Variants in SGCD observed in about 807,000 individuals in gnomAD.
SGCD encodes the protein delta-sarcoglycan.
In SGCD, 18 loss-of-function variants were observed where a neutral mutation model predicts 36.6. The ratio of observed to expected loss-of-function variants is 0.49; its 90% CI spans 0.34 to 0.73. The LOEUF (loss-of-function observed/expected upper bound fraction) is 0.73, where lower values mean the gene tolerates loss of function less well. Among genes scored for constraint, SGCD ranks in the 30% least tolerant of loss-of-function variants. The probability of loss-of-function intolerance (pLI) is 0.01; values close to 1 mark genes in which losing one functional copy is unlikely to be tolerated. For missense variants in SGCD, 387 were observed against 346.7 expected (o/e 1.12, Z -0.92); for synonymous variants, 133 against 130.6 (o/e 1.02, Z -0.12).
intron 3 of SGCD, among the ~76,000 whole-genome samples, chr5:156,317,247 G>A (rs774473359): frequency 5.3e-5 from 8 of 152,032 alleles, no homozygotes; most frequent in Non-Finnish European, 7.4e-5. Context: ...ATAAGCACTC[G>A]ATGCATGTTA....
At chr5:155,832,104 T>C in the SGCD span, among the ~76,000 whole-genome samples, 2 of 152,190 alleles carry the variant, frequency 1.3e-5, no homozygotes, top group African/African-American at 2.4e-5. Flanking sequence ...TCTTAAGATA[T>C]AGTCAATTCT....
intron 3 of SGCD, among the ~76,000 whole-genome samples, chr5:156,211,879 G>A (rs983627995): frequency 2.6e-5 from 4 of 152,118 alleles, no homozygotes; most frequent in African/African-American, 9.7e-5. Flanking sequence ...AGGGTTGTGT[G>A]TGTGGAATTA....
chr5:156,008,052 G>C (rs762800216), intron 1 of SGCD, among the ~76,000 whole-genome samples: 1 of 151,990 alleles, frequency 6.6e-6, no homozygotes, highest in Admixed American at 6.6e-5. Flanking sequence ...AAATATTCAC[G>C]TTCTCAGATG....
intron 6 of SGCD, among the ~76,000 whole-genome samples, chr5:156,631,905 A>C (rs530950505): frequency 6.6e-6 from 1 of 152,318 alleles, no homozygotes; most frequent in African/African-American, 2.4e-5. Context: ...CAGTCAAGAC[A>C]TAGAAGCCTC....
chr5:156,079,014 T>C (rs1385705573), intron 1 of SGCD, among the ~76,000 whole-genome samples: 1 of 139,206 alleles, frequency 7.2e-6, no homozygotes, highest in African/African-American at 2.9e-5. Context: ...GACTGGGTAA[T>C]TTGTAAAAAA....
chr5:155,883,602 A>G (rs755062489), intron 1 of SGCD, among the ~76,000 whole-genome samples: 2 of 152,070 alleles, frequency 1.3e-5, no homozygotes, highest in African/African-American at 2.4e-5. Context: ...ATGGGCCCCA[A>G]TATAATTATA....
chr5:155,889,464 A>G (rs975961720), intron 1 of SGCD, among the ~76,000 whole-genome samples: 5 of 152,164 alleles, frequency 3.3e-5, no homozygotes, highest in Admixed American at 2.6e-4. Context: ...TTTGCTGCAT[A>G]GAAGATTCAG....
intron 3 of SGCD, among the ~76,000 whole-genome samples, chr5:156,399,260 A>G (rs1169002180): frequency 2.6e-5 from 4 of 152,230 alleles, no homozygotes; most frequent in Non-Finnish European, 5.9e-5. Flanking sequence ...CAAAGAGCTC[A>G]TTGTTATAGG....
At chr5:156,670,684 T>G in intron 7 of SGCD, among the ~76,000 whole-genome samples, 1 of 151,908 alleles carries the variant, frequency 6.6e-6, no homozygotes, top group Admixed American at 6.6e-5. Flanking sequence ...GCCAAAGGGG[T>G]TCTTATTTTT....
chr5:156,120,165 G>A (rs1293131935), intron 2 of SGCD, among the ~76,000 whole-genome samples: 1 of 152,094 alleles, frequency 6.6e-6, no homozygotes, highest in Non-Finnish European at 1.5e-5. Flanking sequence ...ACTGTGCCAT[G>A]TGGCATCTTG....
intron 1 of SGCD, among the ~76,000 whole-genome samples, chr5:156,097,473 A>G (rs946660977): frequency 2.0e-5 from 3 of 152,096 alleles, no homozygotes; most frequent in Non-Finnish European, 4.4e-5. Context: ...TCAAGTTCAG[A>G]GATTCTGTCC....
the SGCD span, among the ~76,000 whole-genome samples, chr5:155,805,894 G>C: frequency 6.6e-6 from 1 of 152,202 alleles, no homozygotes; most frequent in South Asian, 2.1e-4. Context: ...GTGTTCTCCA[G>C]CATGTTATGC....
chr5:156,588,597 A>G (rs1760588855), intron 4 of SGCD, among the ~76,000 whole-genome samples: 1 of 152,178 alleles, frequency 6.6e-6, no homozygotes, highest in Admixed American at 6.5e-5. Flanking sequence ...AGCCCTTTAG[A>G]TAAAGGGCAG....
At chr5:156,429,371 T>A (rs1014704063) in intron 3 of SGCD, among the ~76,000 whole-genome samples, 3 of 151,924 alleles carry the variant, frequency 2.0e-5, no homozygotes, top group African/African-American at 7.2e-5. Context: ...AATATCTTTT[T>A]CTACCCCTTT....
At chr5:156,016,277 T>C (rs897342105) in intron 1 of SGCD, among the ~76,000 whole-genome samples, 3 of 152,150 alleles carry the variant, frequency 2.0e-5, no homozygotes, top group African/African-American at 4.8e-5. Context: ...ATTCAAAGTA[T>C]TGTGTTTAAA....
intron 3 of SGCD, among the ~76,000 whole-genome samples, chr5:156,280,544 C>T (rs1766427181): frequency 6.6e-6 from 1 of 152,054 alleles, no homozygotes; most frequent in African/African-American, 2.4e-5. Flanking sequence ...AATGGGAAGC[C>T]AGATTTTAGG....
At chr5:155,762,730 G>T in the SGCD span, among the ~76,000 whole-genome samples, 1 of 152,104 alleles carries the variant, frequency 6.6e-6, no homozygotes, top group Non-Finnish European at 1.5e-5. Flanking sequence ...CATTAAACAT[G>T]GTTGCCCCTC....
At chr5:156,617,379 G>A (rs1357988079) in intron 6 of SGCD, among the ~76,000 whole-genome samples, 1 of 152,202 alleles carries the variant, frequency 6.6e-6, no homozygotes, top group Non-Finnish European at 1.5e-5. Context: ...TAGAACTAAT[G>A]AAACTTGGCA....
At chr5:156,058,411 G>A (rs1369356016) in intron 1 of SGCD, among the ~76,000 whole-genome samples, 1 of 146,284 alleles carries the variant, frequency 6.8e-6, no homozygotes, top group Admixed American at 6.8e-5. Context: ...TTTATTTAAT[G>A]TGCATGTGAA....
Sources: allele counts gnomAD v4.1 joint callset (sites outside exome capture counted in the v4.1 genomes callset), GRCh38; gene constraint gnomAD v4.1.1; transcripts MANE v1.5; gene names NCBI Gene and HGNC (gene_info 2026-07-23, HGNC 2026-07-21).